The following SMAD2 variants were observed in gnomAD, a reference collection of about 807,000 sequenced individuals.
SMAD2 encodes the protein SMAD family member 2.
A neutral mutation model predicts 64.4 loss-of-function variants in SMAD2; 8 were observed. That is an observed-to-expected ratio of 0.12 (90% CI 0.07 to 0.22). The LOEUF is 0.22. Among genes scored for constraint, SMAD2 ranks in the 10% least tolerant of loss-of-function variants. SMAD2 has a pLI of 1.00. For missense variants in SMAD2, 289 were observed against 561.2 expected (o/e 0.51, Z 4.90); for synonymous variants, 203 against 195.8 (o/e 1.04, Z -0.31).
Position 47,810,490 on chromosome 18 carries a change from C to A in SMAD2, c.*31337G>T, listed in dbSNP as rs141825367. The A allele has an allele frequency of 4.0e-3, 604 of 152,274 alleles. 8 individuals are homozygous for A. Among genetic ancestry groups the A allele is most frequent in the Non-Finnish European group, 5.6e-3 (378 of 68,030 alleles). 9.4% of individuals were successfully genotyped at this position (152,274 alleles called of 1,614,324 possible). On this transcript the variant is annotated 3_prime_UTR_variant, in exon 11 of 11. Transcript: ENST00000262160. The stretch of plus-strand genomic sequence containing the variant: ...GACTGGGCTTTCAATCACCTGATTC[C>A]ACACTGCCTTATAATTGGCATTAGT...
chr18:47,850,548 A>ATATATT (rs1199275214), intron 7 of SMAD2, among the ~76,000 whole-genome samples: 1 of 15,278 alleles, frequency 6.5e-5, no homozygotes. Context: ...TTATATATAT[A>ATATATT]ATATATATTA....
chr18:47,856,323 T>C (rs1414851299), intron 6 of SMAD2, among the ~76,000 whole-genome samples: 1 of 152,166 alleles, frequency 6.6e-6, no homozygotes, highest in African/African-American at 2.4e-5. Context: ...GGAAATTTAG[T>C]AAGTCAATTT....
Position 47,930,474 on chromosome 18 carries a change from T to C in SMAD2, c.-167A>G, listed in dbSNP as rs2034962218. On this transcript the variant is annotated 5_prime_UTR_variant, in exon 1 of 11. Coordinates refer to ENST00000262160, the MANE Select transcript of SMAD2 (RefSeq NM_005901.6). Reference sequence around the variant, plus strand: ...GGGAGGGGAAGAGGGGAATGGGCGATTGGAGGCGGAACTGAAAACACTCCC... The same window carrying C: ...GGGAGGGGAAGAGGGGAATGGGCGACTGGAGGCGGAACTGAAAACACTCCC... 1 of 151,150 alleles carries C rather than the reference T, an allele frequency of 6.6e-6. No individual in the cohort carries two copies. Among genetic ancestry groups the C allele is most frequent in the Non-Finnish European group, 1.5e-5 (1 of 67,776 alleles). 9.4% of individuals were successfully genotyped at this position (151,150 alleles called of 1,614,324 possible).
At position 47,870,478 on chromosome 18, in the gene SMAD2, G is replaced by A. The variant is rs752221087; in HGVS notation, c.323C>T (p.Thr108Ile). 13 of 1,608,622 alleles carry A rather than the reference G, an allele frequency of 8.1e-6. 1 individual carries two copies. The South Asian group carries it at 1.3e-4, about 16-fold the overall frequency. The change falls in exon 3 of 11, where the codon ACC (threonine) becomes ATC (isoleucine). Residue 108 changes from threonine to isoleucine, a missense_variant. Physicochemically the swap from Thr to Ile is moderately conservative, Grantham distance 89. Around this residue, in one of 6 missense-constraint regions of SMAD2, gnomAD observed 89 missense variants for 137.1 expected, o/e 0.65. Transcript: ENST00000262160. Reference protein sequence around the residue: ...TTGLYSFSEQTRSLDGRLQVS... With the variant: ...TTGLYSFSEQIRSLDGRLQVS... ...CGACAGAGGGCAGAATATTCACCTG[G>A]TTTGTTCAGAGAAGCTGTAAAGGCC... is the stretch of plus-strand genomic sequence containing the variant.
intron 6 of SMAD2, among the ~76,000 whole-genome samples, chr18:47,864,313 C>A (rs2031401924): frequency 6.6e-6 from 1 of 152,072 alleles, no homozygotes; most frequent in African/African-American, 2.4e-5. Context: ...CCCCTCCCTC[C>A]CCCACCAATG....
chr18:47,893,853 C>T (rs991224904), intron 2 of SMAD2, among the ~76,000 whole-genome samples: 1 of 151,972 alleles, frequency 6.6e-6, no homozygotes, highest in Non-Finnish European at 1.5e-5. Context: ...TTTGCAACAT[C>T]TAAAAAAACC....
chr18:47,868,486 T>C, intron 4 of SMAD2, 29 bp from the exon 5 acceptor site: 2 of 1,603,824 alleles, frequency 1.2e-6, no homozygotes, highest in Non-Finnish European at 1.7e-6. Context: ...TCCAAGTTAA[T>C]GGCAAAGAGC....
intron 7 of SMAD2, 60 bp downstream of exon 7, chr18:47,851,214 T>A (rs375504619): frequency 3.4e-5 from 40 of 1,190,832 alleles, no homozygotes; most frequent in Non-Finnish European, 3.8e-6. Context: ...AGAGATGATT[T>A]TTATTATTAA....
chr18:47,856,518 G>GAA (rs1009247418), intron 6 of SMAD2, among the ~76,000 whole-genome samples: 1 of 152,090 alleles, frequency 6.6e-6, no homozygotes, highest in Non-Finnish European at 1.5e-5. Flanking sequence ...AAACCTTCCA[G>GAA]AAAACTGGGA....
chr18:47,925,587 T>A (rs929871587), intron 1 of SMAD2, among the ~76,000 whole-genome samples: 6 of 152,198 alleles, frequency 3.9e-5, no homozygotes, highest in African/African-American at 1.4e-4. Context: ...AGAATCAACA[T>A]TGAATTATGT....
chr18:47,816,759 T>C lies in SMAD2; in HGVS notation c.*25068A>G, dbSNP rs371858266. ...AATACACACGTAGTTTACCATGACA[T>C]GGGTCTTTTTTTTTTTTTTTTGGAG... On this transcript the variant is annotated 3_prime_UTR_variant, in exon 11 of 11. Coordinates refer to ENST00000262160, the MANE Select transcript of SMAD2 (RefSeq NM_005901.6). The C allele has an allele frequency of 2.1e-5, 3 of 141,870 alleles. No individual in the cohort carries two copies. The allele number at this position is 141,870 out of a possible 1,614,324, so 8.8% of individuals were successfully genotyped here.
In SMAD2 at chr18:47,823,367, T is replaced by A. The variant is rs1312696502; in HGVS notation, c.*18460A>T. The stretch of plus-strand genomic sequence containing the variant: ...CATCTTTGGTAAAAATCAGGGTAAC[T>A]TTAAGTTTCTGAAGAAAGCTATATG... On this transcript the variant is annotated 3_prime_UTR_variant, in exon 11 of 11. Coordinates refer to ENST00000262160, the MANE Select transcript of SMAD2 (RefSeq NM_005901.6). The A allele has an allele frequency of 6.6e-6, 1 of 152,208 alleles. No homozygotes were observed. The highest frequency in any genetic ancestry group is 1.5e-5 in the Non-Finnish European group (1 of 68,038). The allele number at this position is 152,208 out of a possible 1,614,324, so 9.4% of individuals were successfully genotyped here. A position where few individuals can be genotyped will look rare whatever the true frequency, so the allele number is the denominator to read the frequency against.
intron 6 of SMAD2, among the ~76,000 whole-genome samples, chr18:47,856,320 T>C (rs980072944): frequency 2.0e-5 from 3 of 152,174 alleles, no homozygotes; most frequent in Non-Finnish European, 4.4e-5. Context: ...ACTGGAAATT[T>C]AGTAAGTCAA....
chr18:47,918,546 T>C (rs980016942), intron 1 of SMAD2, among the ~76,000 whole-genome samples: 7 of 152,216 alleles, frequency 4.6e-5, no homozygotes, highest in African/African-American at 1.7e-4. Context: ...TCCCCACTTC[T>C]TAAGAATTAC....
intron 6 of SMAD2, among the ~76,000 whole-genome samples, chr18:47,857,365 A>G (rs1424882535): frequency 6.6e-6 from 1 of 152,144 alleles, no homozygotes; most frequent in African/African-American, 2.4e-5. Flanking sequence ...CCCCAGTGCG[A>G]TAGCATCTTA....
upstream of SMAD2, chr18:47,930,784 G>A (rs1169947610): frequency 2.7e-5 from 4 of 146,354 alleles, no homozygotes; most frequent in Non-Finnish European, 6.1e-5. Context: ...CGGCCGCCGC[G>A]GCGCCACGCA....
At chr18:47,882,040 G>GTTTTTTTTTTTTTTTTTTTTTT (rs1568078973) in intron 2 of SMAD2, among the ~76,000 whole-genome samples, 1 of 37,326 alleles carries the variant, frequency 2.7e-5, no homozygotes, top group Non-Finnish European at 5.6e-5. Flanking sequence ...ACCACGCTTG[G>GTTTTTTTTTTTTTTTTTTTTTT]CTTTTTTTTT....
intron 1 of SMAD2, among the ~76,000 whole-genome samples, chr18:47,910,811 T>C (rs1251088759): frequency 6.6e-6 from 1 of 152,214 alleles, no homozygotes; most frequent in Non-Finnish European, 1.5e-5. Flanking sequence ...CAACTGTTTA[T>C]GTATTGGTAA....
chr18:47,923,986 C>T (rs1241030706), intron 1 of SMAD2, among the ~76,000 whole-genome samples: 2 of 152,144 alleles, frequency 1.3e-5, no homozygotes, highest in East Asian at 3.9e-4. Context: ...CAGTGGCTCA[C>T]GCATGTAATC....
Sources: allele counts gnomAD v4.1 joint callset (sites outside exome capture counted in the v4.1 genomes callset), GRCh38; gene constraint gnomAD v4.1.1; regional missense constraint gnomAD v4.1.1; transcripts MANE v1.5; gene names NCBI Gene and HGNC (gene_info 2026-07-23, HGNC 2026-07-21).